The following TLE4 variants were observed in gnomAD, a reference collection of about 807,000 sequenced individuals.
The protein encoded by TLE4 is transducin-like enhancer protein 4.
TLE4 carries 8 observed loss-of-function variants against 92.8 expected under a neutral mutation model. The ratio of observed to expected loss-of-function variants is 0.09; its 90% CI spans 0.05 to 0.16. TLE4 has a LOEUF of 0.16. Ranked by LOEUF, TLE4 falls within the 10% of genes least tolerant of loss-of-function variation. TLE4 has a pLI of 1.00. For synonymous variants in TLE4, 371 were observed against 374.1 expected (o/e 0.99, Z 0.10); for missense variants, 675 against 997.6 (o/e 0.68, Z 4.36).
At chr9:79,704,934 C>A (rs1032231224) in intron 9 of TLE4, 32 bp downstream of exon 9, 1 of 1,610,872 alleles carries the variant, frequency 6.2e-7, no homozygotes, top group Non-Finnish European at 8.5e-7. Flanking sequence ...TTAGGGGAGG[C>A]CAGCTTGCCT....
At chr9:79,712,908 A>G (rs1375476861) in intron 14 of TLE4, among the ~76,000 whole-genome samples, 2 of 152,232 alleles carry the variant, frequency 1.3e-5, no homozygotes, top group Non-Finnish European at 2.9e-5. Flanking sequence ...TTAGTGGATT[A>G]TAGGCTGCTC....
intron 1 of TLE4, chr9:79,573,349 G>T (rs935759250): frequency 5.4e-6 from 6 of 1,104,820 alleles, no homozygotes. Context: ...GGGTCCCCCC[G>T]ACGGGCCAGT....
chr9:79,724,393 G>A (rs771941672), intron 19 of TLE4, among the ~76,000 whole-genome samples: 29 of 151,990 alleles, frequency 1.9e-4, no homozygotes, highest in Admixed American at 6.6e-4. Flanking sequence ...GTAACACCCC[G>A]TCTTAATGGT....
chr9:79,591,971 T>G (rs1208161659), intron 4 of TLE4, among the ~76,000 whole-genome samples: 1 of 152,162 alleles, frequency 6.6e-6, no homozygotes, highest in Non-Finnish European at 1.5e-5. Context: ...TTTATAATCC[T>G]TCCAAGAACC....
rs1314425116 is a variant in TLE4, at chr9:79,720,062, T to C, written c.1607T>C (p.Ile536Thr). ...QLDCLNRDNY[I>T]RSCRLLPDGR... ...TCTCTACAGAACAGGGATAACTACA[T>C]CCGTTCCTGCAGATTGCTCCCTGAT... The change falls in exon 16 of 20, where the codon ATC becomes ACC. Residue 536 changes from isoleucine (I) to threonine (T), a missense_variant. Ile to Thr is a moderately conservative substitution (Grantham distance 89). Transcript: ENST00000376552. 1 of 1,612,182 alleles carries C rather than the reference T, an allele frequency of 6.2e-7. No homozygotes were observed. The highest frequency in any genetic ancestry group is 2.2e-5 in the East Asian group (1 of 44,796).
chr9:79,673,914 G>A (rs1370962411), intron 8 of TLE4, among the ~76,000 whole-genome samples: 2 of 152,008 alleles, frequency 1.3e-5, no homozygotes, highest in African/African-American at 2.4e-5. Context: ...GCCTTCCTGG[G>A]GGGTGATTTT....
chr9:79,606,023 A>G (rs992042031), intron 4 of TLE4, among the ~76,000 whole-genome samples: 4 of 151,974 alleles, frequency 2.6e-5, no homozygotes, highest in Non-Finnish European at 5.9e-5. Flanking sequence ...ACTCTGTTAT[A>G]GACAGTATCC....
chr9:79,642,627 G>T (rs1274683880), intron 6 of TLE4, among the ~76,000 whole-genome samples: 2 of 152,052 alleles, frequency 1.3e-5, no homozygotes, highest in South Asian at 4.1e-4. Flanking sequence ...TTGCTTAGAA[G>T]TACAATTACT....
intron 8 of TLE4, among the ~76,000 whole-genome samples, chr9:79,700,036 A>C (rs966299551): frequency 9.9e-5 from 15 of 152,230 alleles, no homozygotes; most frequent in Non-Finnish European, 1.5e-4. Flanking sequence ...AGTAAGTAGA[A>C]TCAACTGGAG....
intron 8 of TLE4, among the ~76,000 whole-genome samples, chr9:79,667,502 A>G (rs748650198): frequency 2.6e-5 from 4 of 152,238 alleles, no homozygotes; most frequent in African/African-American, 7.2e-5. Context: ...TATAACATAC[A>G]TATACACATA....
chr9:79,685,836 G>A (rs7871836), intron 8 of TLE4, among the ~76,000 whole-genome samples: 134,977 of 152,144 alleles, frequency 0.89, 59,873 homozygotes, highest in Admixed American at 0.9. Context: ...TACTTACCCA[G>A]AAGGTATTTT....
chr9:79,592,153 T>C (rs536203043), intron 4 of TLE4, among the ~76,000 whole-genome samples: 1 of 145,504 alleles, frequency 6.9e-6, no homozygotes, highest in South Asian at 2.2e-4. Context: ...TTCTTCTTTC[T>C]TCTTCTTCTT....
chr9:79,674,592 G>A (rs960869177), intron 8 of TLE4, among the ~76,000 whole-genome samples: 23 of 152,276 alleles, frequency 1.5e-4, no homozygotes, highest in East Asian at 5.8e-4. Flanking sequence ...AAAATCCAAA[G>A]TATCGATTTT....
chr9:79,677,799 A>C (rs2135133554), intron 8 of TLE4, among the ~76,000 whole-genome samples: 1 of 152,180 alleles, frequency 6.6e-6, no homozygotes, highest in South Asian at 2.1e-4. Flanking sequence ...CACATCTATA[A>C]AAATGTGGTC....
At chr9:79,699,298 T>G (rs775835183) in intron 8 of TLE4, among the ~76,000 whole-genome samples, 30 of 152,190 alleles carry the variant, frequency 2.0e-4, no homozygotes, top group Admixed American at 7.9e-4. Flanking sequence ...TCTTCAGCTT[T>G]CTGTCTTCTG....
intron 4 of TLE4, among the ~76,000 whole-genome samples, chr9:79,596,979 C>T (rs1281079596): frequency 6.6e-6 from 1 of 152,160 alleles, no homozygotes; most frequent in East Asian, 1.9e-4. Flanking sequence ...CTGAATTCTT[C>T]CCATGCCTTT....
intron 4 of TLE4, among the ~76,000 whole-genome samples, chr9:79,583,218 A>C (rs1587688935): frequency 6.6e-6 from 1 of 152,090 alleles, no homozygotes; most frequent in Non-Finnish European, 1.5e-5. Context: ...TTGACCCAAA[A>C]CTTATCCCTG....
chr9:79,667,514 A>G lies in TLE4; in HGVS notation c.609+13439A>G, dbSNP rs151163604. On this transcript the variant is annotated intron_variant, in intron 8 of 19. Coordinates refer to ENST00000376552, the MANE Select transcript of TLE4 (RefSeq NM_007005.6). ...AAATATAACATACATATACACATAT[A>G]TATATGTATATAAAACATTAAAGAT... Among the ~76,000 whole-genome samples the G allele has an allele frequency of 7.9e-3, 1,205 of 152,340 alleles. 10 individuals are homozygous for G. Among genetic ancestry groups the G allele is most frequent in the African/African-American group, 0.022 (914 of 41,576 alleles).
chr9:79,623,607 T>G (rs35496337), intron 5 of TLE4, among the ~76,000 whole-genome samples: 297 of 152,194 alleles, frequency 2.0e-3, no homozygotes, highest in Non-Finnish European at 3.6e-3. Flanking sequence ...GAGGTATAAT[T>G]TACACACCAT....
Sources: gnomAD v4.1 joint callset for allele counts (sites outside exome capture counted in the v4.1 genomes callset) on GRCh38, gnomAD v4.1.1 for gene constraint, MANE v1.5 for transcripts, NCBI Gene and HGNC (gene_info 2026-07-23, HGNC 2026-07-21) for gene names.